Variants in WDR89 observed in about 807,000 individuals in gnomAD.
WDR89 encodes WD repeat-containing protein 89.
A neutral mutation model predicts 29.1 loss-of-function variants in WDR89; 17 were observed. That is an observed-to-expected ratio of 0.58 (90% CI 0.40 to 0.88). The LOEUF (loss-of-function observed/expected upper bound fraction) is 0.88. Among genes scored for constraint, WDR89 ranks in the 40% least tolerant of loss-of-function variants. WDR89 has a pLI of 0.00. For missense variants in WDR89, 396 were observed against 456.3 expected (o/e 0.87, Z 1.20); for synonymous variants, 138 against 157.8 (o/e 0.87, Z 0.94).
At chr14:63,623,272 T>TA (rs978690327) in intron 2 of WDR89, among the ~76,000 whole-genome samples, 3 of 145,766 alleles carry the variant, frequency 2.1e-5, no homozygotes, top group Non-Finnish European at 4.5e-5. Context: ...CACAAAATAT[T>TA]AAACAGTAAA....
chr14:63,626,556 A>T (rs1883062813), intron 1 of WDR89, among the ~76,000 whole-genome samples: 2 of 151,560 alleles, frequency 1.3e-5, no homozygotes, highest in Non-Finnish European at 2.9e-5. Context: ...GCACGCCTGT[A>T]ATCCCAGCTG....
chr14:63,637,217 A>T (rs1054326639), intron 1 of WDR89, among the ~76,000 whole-genome samples: 1 of 152,196 alleles, frequency 6.6e-6, no homozygotes, highest in African/African-American at 2.4e-5. Context: ...ATGTGATACC[A>T]CCACACTCCT....
chr14:63,599,180 C>T lies in WDR89; in HGVS notation c.763G>A (p.Val255Ile). Residue 255 changes from valine (V) to isoleucine (I), a missense_variant, in exon 3 of 3, where the codon GTT becomes ATT. Physicochemically the swap from Val to Ile is conservative, Grantham distance 29 (BLOSUM62 3). Transcript: ENST00000620954. ...ACATCCTGGATGTTCAAACGTGTAA[C>T]TGGTTCATCAGTGTCCAGATGATTA... is the stretch of plus-strand genomic sequence containing the variant. Reference protein sequence around the residue: ...DLNHLDTDEPVTRLNIQDVRE... With the variant: ...DLNHLDTDEPITRLNIQDVRE... 2 of 1,610,910 alleles carry T rather than the reference C, an allele frequency of 1.2e-6. No individual in the cohort carries two copies. Among genetic ancestry groups the T allele is most frequent in the Non-Finnish European group, 1.7e-6 (2 of 1,177,882 alleles).
intron 2 of WDR89, among the ~76,000 whole-genome samples, chr14:63,610,242 A>C (rs1280422292): frequency 2.6e-5 from 4 of 151,286 alleles, no homozygotes; most frequent in East Asian, 1.9e-4. Context: ...AAAAAAAAAA[A>C]AACTCTTGGA....
chr14:63,622,177 G>C (rs1882736551), intron 2 of WDR89, among the ~76,000 whole-genome samples: 2 of 152,220 alleles, frequency 1.3e-5, no homozygotes, highest in South Asian at 4.1e-4. Context: ...GCTCATGCCT[G>C]TAATCCCAGC....
intron 2 of WDR89, among the ~76,000 whole-genome samples, chr14:63,622,882 C>T (rs998002397): frequency 6.6e-6 from 1 of 151,936 alleles, no homozygotes; most frequent in South Asian, 2.1e-4. Context: ...TCACATTATT[C>T]GAAGCTAGAT....
intron 1 of WDR89, among the ~76,000 whole-genome samples, chr14:63,640,519 C>T (rs1884038118): frequency 6.6e-6 from 1 of 151,654 alleles, no homozygotes. Flanking sequence ...GACGTTGTCT[C>T]ACTCTGTCGC....
chr14:63,626,676 C>CAAAAAAAAA (rs35582220), intron 1 of WDR89, among the ~76,000 whole-genome samples: 6 of 34,588 alleles, frequency 1.7e-4, no homozygotes, highest in Admixed American at 6.3e-4. Flanking sequence ...GAGACTGTCT[C>CAAAAAAAAA]AAAAAAAAAA....
At chr14:63,608,796 C>T (rs1364880976) in intron 2 of WDR89, among the ~76,000 whole-genome samples, 1 of 151,944 alleles carries the variant, frequency 6.6e-6, no homozygotes, top group African/African-American at 2.4e-5. Context: ...TAAACAATTA[C>T]AATATAGGAA....
chr14:63,614,735 G>A (rs779197176), intron 2 of WDR89, among the ~76,000 whole-genome samples: 1 of 152,140 alleles, frequency 6.6e-6, no homozygotes, highest in Non-Finnish European at 1.5e-5. Flanking sequence ...CACAGAATTA[G>A]CTCTAAGACA....
rs1894888373 is a variant in WDR89 at position 63,598,463 on chromosome 14, T to C, written c.*316A>G. ...AAAATGCAGCCAACCACCTGTTTTATTAAGTTTTACCAAGTATTTCCTTCT... is the reference window on the plus strand; with the variant it reads ...AAAATGCAGCCAACCACCTGTTTTACTAAGTTTTACCAAGTATTTCCTTCT... On this transcript the variant is annotated 3_prime_UTR_variant, in exon 3 of 3. Coordinates refer to ENST00000620954, the MANE Select transcript of WDR89 (RefSeq NM_080666.4). The C allele has an allele frequency of 5.2e-6, 1 of 190,842 alleles. No homozygotes were observed. The highest frequency in any genetic ancestry group is 2.3e-5 in the African/African-American group (1 of 43,010). The allele number at this position is 190,842 out of a possible 1,614,324, so 11.8% of individuals were successfully genotyped here.
At chr14:63,625,387 T>TACATACCCATG (rs1882968970) in intron 1 of WDR89, among the ~76,000 whole-genome samples, 1 of 126,754 alleles carries the variant, frequency 7.9e-6, no homozygotes, top group African/African-American at 4.2e-5. Flanking sequence ...CAACTGTGTA[T>TACATACCCATG]TCATCAAACT....
In WDR89 at chr14:63,599,263, T is replaced by A; in HGVS notation, c.680A>T (p.Lys227Ile). The change falls in exon 3 of 3, where the codon AAA becomes ATA. Residue 227 changes from lysine (K) to isoleucine (I), a missense_variant. Lys to Ile is a moderately radical substitution (Grantham distance 102). Coordinates refer to ENST00000620954, the MANE Select transcript of WDR89 (RefSeq NM_080666.4). ...CATGCAGTAAATCTGTTTATAACCT[T>A]TCCCAGACCAACCAATACAGCTTAC... is the stretch of plus-strand genomic sequence containing the variant. ...SSVSCIGWSG[K>I]GYKQIYCMTH... The A allele has an allele frequency of 6.2e-7, 1 of 1,612,320 alleles. No individual in the cohort carries two copies. Among genetic ancestry groups the A allele is most frequent in the Non-Finnish European group, 8.5e-7 (1 of 1,178,910 alleles).
intron 1 of WDR89, among the ~76,000 whole-genome samples, chr14:63,636,266 T>C (rs948511628): frequency 7.2e-5 from 11 of 152,114 alleles, no homozygotes; most frequent in East Asian, 1.9e-4. Context: ...AAAGAAATCA[T>C]AGACAACACA....
At position 63,638,529 on chromosome 14, in the gene WDR89, T is replaced by C. The variant is rs550059855; in HGVS notation, c.-138+3275A>G. Among the ~76,000 whole-genome samples the C allele has an allele frequency of 2.2e-4, 34 of 152,320 alleles. No individual in the cohort carries two copies. In the South Asian group the frequency reaches 7.0e-3, roughly 32 times the overall value. ...TTCAAAACAGCATCAACCATGAACA[T>C]ATAAAACTGAATGCAAAAGTCACAT... On this transcript the variant is annotated intron_variant, in intron 1 of 2. Coordinates refer to ENST00000620954, the MANE Select transcript of WDR89 (RefSeq NM_080666.4).
Position 63,599,183 on chromosome 14 carries a change from GT to G in WDR89, c.759del (p.Glu253AspfsTer6). ...TCCTGGATGTTCAAACGTGTAACTGGTTCATCAGTGTCCAGATGATTAAGAT... is the reference window on the plus strand; with the variant it reads ...TCCTGGATGTTCAAACGTGTAACTGGTCATCAGTGTCCAGATGATTAAGAT... ...WWDLNHLDTDEPVTRLNIQDV... is the reference protein window; with the variant it reads ...WWDLNHLDTDXPVTRLNIQDV... On this transcript the variant is annotated frameshift_variant, in exon 3 of 3. Coordinates refer to ENST00000620954, the MANE Select transcript of WDR89 (RefSeq NM_080666.4). LOFTEE classifies it high-confidence loss of function. 6.2e-7 allele frequency: 1 copy of G among 1,610,048 alleles called. No homozygotes were observed. Among genetic ancestry groups the G allele is most frequent in the Non-Finnish European group, 8.5e-7 (1 of 1,177,346 alleles).
intron 2 of WDR89, among the ~76,000 whole-genome samples, chr14:63,609,003 G>A (rs1395968495): frequency 3.3e-5 from 5 of 152,042 alleles, no homozygotes; most frequent in African/African-American, 9.7e-5. Context: ...GGAGGCTGAG[G>A]CAGGGGAATG....
intron 1 of WDR89, among the ~76,000 whole-genome samples, chr14:63,631,414 G>A (rs766060221): frequency 1.3e-5 from 2 of 151,992 alleles, no homozygotes; most frequent in African/African-American, 2.4e-5. Flanking sequence ...GGCCCAGGCT[G>A]GAGTGCAGTG....
At chr14:63,620,355 T>A (rs1288749963) in intron 2 of WDR89, among the ~76,000 whole-genome samples, 8 of 152,108 alleles carry the variant, frequency 5.3e-5, no homozygotes, top group Non-Finnish European at 1.2e-4. Flanking sequence ...TACCACATGA[T>A]CTCATCTAGA....
Sources: gnomAD v4.1 joint callset for allele counts (sites outside exome capture counted in the v4.1 genomes callset) on GRCh38, gnomAD v4.1.1 for gene constraint, MANE v1.5 for transcripts, NCBI Gene and HGNC (gene_info 2026-07-23, HGNC 2026-07-21) for gene names.